PDE4C: variants seen among roughly 807,000 people sequenced by gnomAD.
PDE4C encodes phosphodiesterase 4C, also known as 3',5'-cyclic-AMP phosphodiesterase 4C.
A neutral mutation model predicts 63.9 loss-of-function variants in PDE4C; 50 were observed. That is an observed-to-expected ratio of 0.78 (90% CI 0.62 to 0.99). The LOEUF (loss-of-function observed/expected upper bound fraction) is 0.99. Ranked by LOEUF, PDE4C falls within the 50% of genes least tolerant of loss-of-function variation. The probability of loss-of-function intolerance (pLI) is 0.00; values close to 1 mark genes in which losing one functional copy is unlikely to be tolerated. For synonymous variants in PDE4C, 377 were observed against 385.1 expected, an observed-to-expected ratio of 0.98 and a Z score of 0.25; for missense variants, 777 against 899.1, an observed-to-expected ratio of 0.86 and a Z score of 1.74.
intron 1 of PDE4C, among the ~76,000 whole-genome samples, chr19:18,232,374 CGTGTGTGTGTGTGTG>C (rs1968866166): frequency 6.7e-6 from 1 of 149,848 alleles, no homozygotes; most frequent in Non-Finnish European, 1.5e-5. Context: ...AAAATAAAAA[CGTGTGTGTGTGTGTG>C]TGTGTGTGTG....
upstream of PDE4C, among the ~76,000 whole-genome samples, chr19:18,229,379 T>C (rs1315708135): frequency 6.6e-6 from 1 of 152,150 alleles, no homozygotes; most frequent in Non-Finnish European, 1.5e-5. Flanking sequence ...TAGCTGGGAT[T>C]ACAGGCATCT....
chr19:18,215,754 C>T (rs1214214886), intron 12 of PDE4C, among the ~76,000 whole-genome samples: 1 of 151,880 alleles, frequency 6.6e-6, no homozygotes, highest in Non-Finnish European at 1.5e-5. Context: ...ACCTCATGAT[C>T]CGCCTGCCTC....
In PDE4C at chr19:18,220,660, C is replaced by A. The variant is rs1968421733; in HGVS notation, c.500-145G>T. ...CCTGGACCCAAGTTCCAGATCTGTT[C>A]CCCGAGTGCCTGTGTGACCATGAGA... is the stretch of plus-strand genomic sequence containing the variant. On this transcript the variant is annotated intron_variant, in intron 5 of 14. Transcript: ENST00000262805. This position sits in a 1 kb window ranked among gnomAD's most constrained non-coding sequence, Gnocchi z 5.1. 1.2e-6 allele frequency: 1 copy of A among 803,070 alleles called. No individual in the cohort carries two copies. Among genetic ancestry groups the A allele is most frequent in the South Asian group, 1.7e-5 (1 of 58,574 alleles). The allele number at this position is 803,070 out of a possible 1,614,324, so 49.7% of individuals were successfully genotyped here.
In PDE4C at chr19:18,216,733, G is replaced by A; in HGVS notation, c.1389+8C>T. On this transcript the variant is annotated splice_region_variant and intron_variant, in intron 12 of 14. Transcript: ENST00000262805. ...CCCCTCCCGCCCCGCTTACTGCCCT[G>A]GCCTCACCATGTCAATGACCATCCT... 1.3e-6 allele frequency: 2 copies of A among 1,598,226 alleles called. No individual in the cohort carries two copies. Among genetic ancestry groups the A allele is most frequent in the Non-Finnish European group, 8.5e-7 (1 of 1,170,250 alleles).
At chr19:18,244,893 T>G (rs1265877663) in intron 1 of PDE4C, among the ~76,000 whole-genome samples, 1 of 151,966 alleles carries the variant, frequency 6.6e-6, no homozygotes, top group South Asian at 2.1e-4. Flanking sequence ...TGAAGTGCAG[T>G]GGCGCGATAT....
chr19:18,219,790 TC>T (rs2148022722), intron 7 of PDE4C: 1 of 207,858 alleles, frequency 4.8e-6, no homozygotes, highest in Admixed American at 5.2e-5. Context: ...ACCACTGCAC[TC>T]CCGCCTAGGC....
chr19:18,221,021 A>C, intron 4 of PDE4C, 84 bp downstream of exon 4: 5 of 1,227,658 alleles, frequency 4.1e-6, no homozygotes, highest in Non-Finnish European at 4.4e-6. Context: ...GAGGCGCCGG[A>C]GCCCCAGCCT....
rs565957318 is a variant in PDE4C at position 18,244,136 on chromosome 19, G to A, written c.-210+4035C>T. Among the ~76,000 whole-genome samples the A allele has an allele frequency of 2.6e-5, 4 of 152,132 alleles. No individual in the cohort carries two copies. The South Asian group carries it at 8.3e-4, about 32-fold the overall frequency. The stretch of plus-strand genomic sequence containing the variant: ...TAATCCACCCACCTCGGCCTAAAGT[G>A]CTAGGATTACAGGCATGAACTGCTG... On this transcript the variant is annotated intron_variant, in intron 1 of 15. Coordinates refer to the PDE4C transcript ENST00000594617.
In PDE4C at chr19:18,245,598, C is replaced by T. The variant is rs534078205; in HGVS notation, c.-210+2573G>A. On this transcript the variant is annotated intron_variant, in intron 1 of 15. Transcript: ENST00000594617. Reference sequence around the variant, plus strand: ...TACTTCAGCTAAAATGTCAACTTCCCGGAGAAGGCCCTCCTGCCCAGCTCG... The same window carrying T: ...TACTTCAGCTAAAATGTCAACTTCCTGGAGAAGGCCCTCCTGCCCAGCTCG... Among the ~76,000 whole-genome samples the T allele has an allele frequency of 3.2e-4, 48 of 152,324 alleles. 1 individual carries two copies. The highest frequency in any genetic ancestry group is 3.4e-3 in the Middle Eastern group (1 of 294).
In PDE4C at chr19:18,220,141, C is replaced by T; in HGVS notation, c.706+85G>A. ...TGTCTGTGTCTGGCTGTATCTCCCC[C>T]AGACTGAGGTCTATCATAGGAATCT... On this transcript the variant is annotated intron_variant, in intron 7 of 14. Coordinates refer to ENST00000262805, the Ensembl canonical transcript of PDE4C. The surrounding 1 kb of genome is among the most constrained non-coding windows in gnomAD (Gnocchi z 5.1). The T allele has an allele frequency of 9.1e-7, 1 of 1,095,162 alleles. No homozygotes were observed. Among genetic ancestry groups the T allele is most frequent in the Admixed American group, 1.7e-5 (1 of 58,162 alleles). 67.8% of individuals were successfully genotyped at this position (1,095,162 alleles called of 1,614,324 possible).
intron 1 of PDE4C, among the ~76,000 whole-genome samples, chr19:18,239,466 T>C (rs1969004019): frequency 6.6e-6 from 1 of 152,038 alleles, no homozygotes; most frequent in South Asian, 2.1e-4. Flanking sequence ...ATCTGGGAAA[T>C]GGAGGCGAAA....
rs757025281 is a variant in PDE4C at position 18,219,039 on chromosome 19, C to G, written c.871-1G>C. On this transcript the variant is annotated splice_acceptor_variant, in intron 8 of 14. Transcript: ENST00000262805. LOFTEE classifies it high-confidence loss of function. ...CCCACTTGTTGGTGTCTTCTAGCTC[C>G]TAAGATATGAAGGGCTGAAGCTTAA... The G allele has an allele frequency of 5.0e-5, 80 of 1,611,796 alleles. No homozygotes were observed. The highest frequency in any genetic ancestry group is 6.5e-5 in the Non-Finnish European group (77 of 1,178,810).
At chr19:18,228,005 G>A (rs561761289), upstream of PDE4C, among the ~76,000 whole-genome samples, 12 of 152,162 alleles carry the variant, frequency 7.9e-5, no homozygotes, top group South Asian at 2.1e-4. Flanking sequence ...CCTAACCCCC[G>A]CAGTCTTGCA....
intron 1 of PDE4C, among the ~76,000 whole-genome samples, chr19:18,247,355 G>A (rs1406355468): frequency 6.6e-6 from 1 of 152,068 alleles, no homozygotes; most frequent in African/African-American, 2.4e-5. Context: ...GAGTGCAGTG[G>A]CGTGATCTCA....
intron 12 of PDE4C, 25 bp downstream of exon 12, chr19:18,216,715 CG>C (rs1323822876): frequency 2.6e-6 from 4 of 1,567,312 alleles, no homozygotes; most frequent in Non-Finnish European, 2.6e-6. Flanking sequence ...CTGCCCCTCC[CG>C]CCCCGCTTAC....
intron 1 of PDE4C, among the ~76,000 whole-genome samples, chr19:18,232,208 T>C (rs1430614727): frequency 6.6e-6 from 1 of 151,658 alleles, no homozygotes; most frequent in East Asian, 1.9e-4. Flanking sequence ...CTAGCAAAAA[T>C]ACAAAAATTA....
chr19:18,220,988 G>A lies in PDE4C; in HGVS notation c.450-65C>T. The stretch of plus-strand genomic sequence containing the variant: ...CTCGCCCCGCCCCCAAGTCCACCAG[G>A]CCCCGCCCCTCAAACCCACCTGGAG... On this transcript the variant is annotated intron_variant, in intron 4 of 14. Coordinates refer to ENST00000262805, the Ensembl canonical transcript of PDE4C. The surrounding 1 kb of genome is among the most constrained non-coding windows in gnomAD (Gnocchi z 5.1). 1.3e-6 allele frequency: 2 copies of A among 1,552,308 alleles called. No homozygotes were observed. The highest frequency in any genetic ancestry group is 1.7e-6 in the Non-Finnish European group (2 of 1,146,176).
chr19:18,239,389 C>A (rs1969002837), intron 1 of PDE4C, among the ~76,000 whole-genome samples: 1 of 152,204 alleles, frequency 6.6e-6, no homozygotes. Flanking sequence ...AGTGTGAGCT[C>A]TTCAGCGCAA....
Position 18,219,411 on chromosome 19 carries a change from A to G in PDE4C, c.707-14T>C, listed in dbSNP as rs558326660. ...CGGTCTGCTGGTCTGCGGATGGGCC[A>G]GGGTGAAGCTCAGAGAAGCCGATTT... On this transcript the variant is annotated splice_polypyrimidine_tract_variant and intron_variant, in intron 7 of 14. Coordinates refer to ENST00000262805, the Ensembl canonical transcript of PDE4C. The G allele has an allele frequency of 1.6e-4, 250 of 1,578,440 alleles. No individual in the cohort carries two copies. In the South Asian group the frequency reaches 2.7e-3, roughly 17 times the overall value.
Sources: allele counts gnomAD v4.1 joint callset (sites outside exome capture counted in the v4.1 genomes callset), GRCh38; gene constraint gnomAD v4.1.1; non-coding constraint Gnocchi (gnomAD v3.1); transcripts MANE v1.5; gene names NCBI Gene and HGNC (gene_info 2026-07-23, HGNC 2026-07-21).